SPOCK1: variants seen among roughly 807,000 people sequenced by gnomAD.
SPOCK1 encodes the protein SPARC (osteonectin), cwcv and kazal like domains proteoglycan 1, also known as testican-1.
SPOCK1 carries 23 observed loss-of-function variants against 55.3 expected under a neutral mutation model. That is an observed-to-expected ratio of 0.42 (90% CI 0.30 to 0.59). SPOCK1 has a LOEUF of 0.59. Ranked by LOEUF, SPOCK1 falls within the 20% of genes least tolerant of loss-of-function variation. The pLI is 0.22. For missense variants in SPOCK1, 499 were observed against 552.5 expected (o/e 0.90, Z 0.97); for synonymous variants, 226 against 221.0 (o/e 1.02, Z -0.20).
At chr5:137,282,024 A>G (rs1757173393) in intron 2 of SPOCK1, among the ~76,000 whole-genome samples, 1 of 152,198 alleles carries the variant, frequency 6.6e-6, no homozygotes, top group Non-Finnish European at 1.5e-5. Flanking sequence ...TAACCTTCCT[A>G]GGCTTCAGTT....
In SPOCK1 at chr5:137,491,310, C is replaced by T. The variant is rs537655135; in HGVS notation, c.186+7063G>A. 1.3e-4 allele frequency among the ~76,000 whole-genome samples: 20 copies of T among 152,320 alleles called. No homozygotes were observed. In the East Asian group the frequency reaches 3.9e-3, roughly 29 times the overall value. On this transcript the variant is annotated intron_variant, in intron 2 of 10. Coordinates refer to ENST00000394945, the MANE Select transcript of SPOCK1 (RefSeq NM_004598.4). ...GAATTGCGAGGGGGGTTGCATTTCC[C>T]TGCTGGGTTCCCTCTGCCTCTCAAC...
At position 137,483,468 on chromosome 5, in the gene SPOCK1, T is replaced by C. The variant is rs537379986; in HGVS notation, c.186+14905A>G. 3.5e-4 allele frequency among the ~76,000 whole-genome samples: 53 copies of C among 152,320 alleles called. 1 individual carries two copies. In the South Asian group the frequency reaches 9.3e-3, roughly 27 times the overall value. On this transcript the variant is annotated intron_variant, in intron 2 of 10. Transcript: ENST00000394945. ...TAAGCTCCATAAGGGCAGGGAATGT[T>C]GTCTGTTTTGTTCAGAGCTGTGTCC...
At chr5:137,340,989 A>G (rs533558496) in intron 2 of SPOCK1, among the ~76,000 whole-genome samples, 5 of 152,174 alleles carry the variant, frequency 3.3e-5, no homozygotes, top group African/African-American at 1.2e-4. Flanking sequence ...CTGGCCTGAC[A>G]TCAGAGCCCT....
intron 2 of SPOCK1, among the ~76,000 whole-genome samples, chr5:137,400,772 A>G (rs1751956609): frequency 6.6e-6 from 1 of 152,182 alleles, no homozygotes; most frequent in Admixed American, 6.5e-5. Context: ...AAGGAGCTCA[A>G]TGCTGCATGG....
At chr5:137,077,160 G>A (rs1329259676) in intron 5 of SPOCK1, among the ~76,000 whole-genome samples, 3 of 152,268 alleles carry the variant, frequency 2.0e-5, no homozygotes, top group African/African-American at 4.8e-5. Context: ...TCCTGACCTC[G>A]TGATCCACCC....
intron 2 of SPOCK1, among the ~76,000 whole-genome samples, chr5:137,323,491 G>C (rs938723676): frequency 6.6e-6 from 1 of 151,920 alleles, no homozygotes; most frequent in Middle Eastern, 3.2e-3. Flanking sequence ...AATTATATTT[G>C]CACCTAACAT....
chr5:137,301,809 T>C (rs1306883227), intron 2 of SPOCK1, among the ~76,000 whole-genome samples: 1 of 152,038 alleles, frequency 6.6e-6, no homozygotes, highest in African/African-American at 2.4e-5. Flanking sequence ...AAAAGCAAGC[T>C]GATTTCAGGT....
chr5:137,263,942 T>C (rs1756798943), intron 3 of SPOCK1, among the ~76,000 whole-genome samples: 1 of 152,202 alleles, frequency 6.6e-6, no homozygotes, highest in Non-Finnish European at 1.5e-5. Context: ...TACATGATGA[T>C]AGCACTCGCT....
At chr5:137,321,395 C>G (rs975446023) in intron 2 of SPOCK1, among the ~76,000 whole-genome samples, 1 of 151,828 alleles carries the variant, frequency 6.6e-6, no homozygotes, top group Non-Finnish European at 1.5e-5. Context: ...CAGAACATAC[C>G]CAAAAAAGTC....
intron 4 of SPOCK1, among the ~76,000 whole-genome samples, chr5:137,132,590 C>T (rs1457787887): frequency 6.6e-6 from 1 of 152,144 alleles, no homozygotes; most frequent in East Asian, 1.9e-4. Context: ...GAGGGCATTG[C>T]TAATCAATCC....
At chr5:137,422,696 T>C (rs937410584) in intron 2 of SPOCK1, among the ~76,000 whole-genome samples, 1 of 152,226 alleles carries the variant, frequency 6.6e-6, no homozygotes, top group African/African-American at 2.4e-5. Flanking sequence ...CTAATTTTTT[T>C]CCAAGGTTTT....
chr5:137,495,220 A>G (rs1561550564), intron 2 of SPOCK1, among the ~76,000 whole-genome samples: 1 of 152,244 alleles, frequency 6.6e-6, no homozygotes, highest in Non-Finnish European at 1.5e-5. Flanking sequence ...AGAAGGGGAT[A>G]GGAAGTATTT....
At chr5:137,127,185 T>C (rs1242364442) in intron 4 of SPOCK1, among the ~76,000 whole-genome samples, 1 of 152,156 alleles carries the variant, frequency 6.6e-6, no homozygotes, top group Admixed American at 6.5e-5. Flanking sequence ...CCAAGAGCTA[T>C]CATCAAAGAC....
At chr5:136,995,640 GC>G (rs1406244663) in intron 6 of SPOCK1, among the ~76,000 whole-genome samples, 1 of 152,162 alleles carries the variant, frequency 6.6e-6, no homozygotes, top group African/African-American at 2.4e-5. Flanking sequence ...AGAGAAAATT[GC>G]CAAGTCAACA....
At chr5:137,170,013 C>A (rs1324059805) in intron 3 of SPOCK1, among the ~76,000 whole-genome samples, 1 of 152,182 alleles carries the variant, frequency 6.6e-6, no homozygotes, top group Non-Finnish European at 1.5e-5. Context: ...AGTTAACATT[C>A]ACAGAGTAAT....
At chr5:137,367,284 A>G (rs1434975028) in intron 2 of SPOCK1, among the ~76,000 whole-genome samples, 1 of 151,966 alleles carries the variant, frequency 6.6e-6, no homozygotes, top group African/African-American at 2.4e-5. Flanking sequence ...CCTGGTCTGG[A>G]CTCTCCGTAA....
intron 3 of SPOCK1, among the ~76,000 whole-genome samples, chr5:137,208,660 T>C (rs1755560362): frequency 6.6e-6 from 1 of 151,988 alleles, no homozygotes; most frequent in Non-Finnish European, 1.5e-5. Flanking sequence ...AAACAGTGGG[T>C]ACTCATGGAT....
intron 2 of SPOCK1, among the ~76,000 whole-genome samples, chr5:137,498,097 G>A (rs1328400796): frequency 6.6e-6 from 1 of 152,098 alleles, no homozygotes; most frequent in African/African-American, 2.4e-5. Flanking sequence ...CTGTATTTTA[G>A]TGCAGTCACC....
chr5:137,439,339 A>G (rs1463032826), intron 2 of SPOCK1, among the ~76,000 whole-genome samples: 3 of 152,208 alleles, frequency 2.0e-5, no homozygotes, highest in Non-Finnish European at 4.4e-5. Context: ...CTCACTCATT[A>G]AAGTCTCAGC....
Sources: allele counts gnomAD v4.1 joint callset (sites outside exome capture counted in the v4.1 genomes callset), GRCh38; gene constraint gnomAD v4.1.1; transcripts MANE v1.5; gene names NCBI Gene and HGNC (gene_info 2026-07-23, HGNC 2026-07-21).